MORC1: variants seen among roughly 807,000 people sequenced by gnomAD.
MORC1 encodes MORC family CW-type zinc finger protein 1.
A neutral mutation model predicts 134.9 loss-of-function variants in MORC1; 59 were observed. The ratio of observed to expected loss-of-function variants is 0.44; its 90% CI spans 0.35 to 0.54. The LOEUF (loss-of-function observed/expected upper bound fraction) is 0.54. Ranked by LOEUF, MORC1 falls within the 20% of genes least tolerant of loss-of-function variation. MORC1 has a pLI of 0.00. For synonymous variants in MORC1, 395 were observed against 391.7 expected (o/e 1.01, Z -0.10); for missense variants, 947 against 1,134.5 (o/e 0.83, Z 2.37).
chr3:109,082,250 T>A lies in MORC1; in HGVS notation c.689+11186A>T, dbSNP rs575837957. Among the ~76,000 whole-genome samples, 984 of 138,824 alleles carry A rather than the reference T, an allele frequency of 7.1e-3. 9 individuals are homozygous for A. The highest frequency in any genetic ancestry group is 0.019 in the African/African-American group (736 of 38,216). 91.1% of individuals were successfully genotyped at this position (138,824 alleles called of 152,430 possible). On this transcript the variant is annotated intron_variant, in intron 8 of 27. Coordinates refer to ENST00000232603, the MANE Select transcript of MORC1 (RefSeq NM_014429.4). Reference sequence around the variant, plus strand: ...AAGGCAGCAACCTAGGAGAAAAATTTAAAAAAAAAAAAACCACCAGGTAAA... The same window carrying A: ...AAGGCAGCAACCTAGGAGAAAAATTAAAAAAAAAAAAAACCACCAGGTAAA...
chr3:109,081,255 G>A (rs9849999), intron 8 of MORC1, among the ~76,000 whole-genome samples: 30,023 of 151,986 alleles, frequency 0.2, 3,402 homozygotes, highest in Middle Eastern at 0.32. Flanking sequence ...AAGTCAGATT[G>A]AGAGACTTCT....
At chr3:108,970,768 C>CG (rs1373604967) in intron 25 of MORC1, among the ~76,000 whole-genome samples, 1 of 152,176 alleles carries the variant, frequency 6.6e-6, no homozygotes, top group Non-Finnish European at 1.5e-5. Flanking sequence ...CACAGCCCTG[C>CG]GGGAGCCCTT....
chr3:108,964,545 G>A (rs1318582803), intron 26 of MORC1, among the ~76,000 whole-genome samples: 4 of 152,134 alleles, frequency 2.6e-5, no homozygotes, highest in East Asian at 1.9e-4. Flanking sequence ...TTTAGCATTC[G>A]CTGACCTCAC....
intron 25 of MORC1, among the ~76,000 whole-genome samples, chr3:108,970,941 G>A (rs1176541405): frequency 6.6e-6 from 1 of 152,146 alleles, no homozygotes; most frequent in East Asian, 1.9e-4. Flanking sequence ...TGATGTCTTG[G>A]TGATTTCGGT....
In MORC1 at chr3:108,971,522, C is replaced by A. The variant is rs568492411; in HGVS notation, c.2478-120G>T. 33 of 778,362 alleles carry A rather than the reference C, an allele frequency of 4.2e-5. No individual in the cohort carries two copies. The Middle Eastern group carries it at 7.3e-4, about 17-fold the overall frequency. The allele number at this position is 778,362 out of a possible 1,614,324, so 48.2% of individuals were successfully genotyped here. A position where few individuals can be genotyped will look rare whatever the true frequency, so the allele number is the denominator to read the frequency against. ...ATCCTGGCAAAGATGAACATTAGTT[C>A]CCCCCAAACATTTTGTTTTTATCAC... On this transcript the variant is annotated intron_variant, in intron 24 of 27. Transcript: ENST00000232603.
At chr3:109,009,668 G>C (rs1040514505) in intron 17 of MORC1, among the ~76,000 whole-genome samples, 2 of 152,028 alleles carry the variant, frequency 1.3e-5, no homozygotes, top group Non-Finnish European at 2.9e-5. Context: ...AAAGTGAACT[G>C]TTTTGTCCCT....
chr3:109,084,428 C>G (rs1950579573), intron 8 of MORC1, among the ~76,000 whole-genome samples: 1 of 151,804 alleles, frequency 6.6e-6, no homozygotes, highest in African/African-American at 2.4e-5. Context: ...TATAAAACAC[C>G]TAGAAGTCAA....
At chr3:109,011,240 A>T (rs992165638) in intron 17 of MORC1, among the ~76,000 whole-genome samples, 4 of 152,142 alleles carry the variant, frequency 2.6e-5, no homozygotes, top group Admixed American at 2.6e-4. Flanking sequence ...AAACAAAAAA[A>T]ACCCTGCCAA....
intron 17 of MORC1, 125 bp from the exon 18 acceptor site, chr3:109,007,216 T>C: frequency 6.0e-6 from 4 of 669,878 alleles, no homozygotes; most frequent in Middle Eastern, 2.6e-4. Context: ...TCATGAATAA[T>C]TGTTCAAGGA....
chr3:109,113,162 C>A (rs1375077290), intron 2 of MORC1, among the ~76,000 whole-genome samples: 1 of 152,192 alleles, frequency 6.6e-6, no homozygotes, highest in Non-Finnish European at 1.5e-5. Context: ...TGCTTCCAAG[C>A]TTTGAGCAGC....
At position 109,108,713 on chromosome 3, in the gene MORC1, T is replaced by C. The variant is rs533548056; in HGVS notation, c.154+2036A>G. Among the ~76,000 whole-genome samples, 16 of 152,056 alleles carry C rather than the reference T, an allele frequency of 1.1e-4. No individual in the cohort carries two copies. The East Asian group carries it at 2.1e-3, about 20-fold the overall frequency. ...GAGATCAAGACCATCCTGGCTAACA[T>C]GGTGAAACCCCGGCTCTACTAAAAA... On this transcript the variant is annotated intron_variant, in intron 3 of 27. Transcript: ENST00000232603.
chr3:109,032,920 T>C lies in MORC1; in HGVS notation c.1460-95A>G. 4 of 818,204 alleles carry C rather than the reference T, an allele frequency of 4.9e-6. No individual in the cohort carries two copies. The South Asian group carries it at 6.1e-5, about 12-fold the overall frequency. 50.7% of individuals were successfully genotyped at this position (818,204 alleles called of 1,614,324 possible). ...GCACATATCAAAAGTATGAGGTATC[T>C]CTCAATCCAAAGACAACTGAATCCT... On this transcript the variant is annotated intron_variant, in intron 15 of 27. Coordinates refer to ENST00000232603, the MANE Select transcript of MORC1 (RefSeq NM_014429.4).
chr3:108,993,082 G>A (rs538781730), intron 21 of MORC1, among the ~76,000 whole-genome samples: 4 of 152,214 alleles, frequency 2.6e-5, no homozygotes, highest in African/African-American at 9.6e-5. Flanking sequence ...AAACCTCATG[G>A]AGGTCTGAAT....
Position 108,979,492 on chromosome 3 carries a change from A to G in MORC1, c.2477+23T>C, listed in dbSNP as rs1432608423. 1.9e-6 allele frequency: 3 copies of G among 1,610,906 alleles called. No individual in the cohort carries two copies. The African/African-American group carries it at 4.0e-5, about 22-fold the overall frequency. On this transcript the variant is annotated intron_variant, in intron 24 of 27. Coordinates refer to ENST00000232603, the MANE Select transcript of MORC1 (RefSeq NM_014429.4). ...TAGAAAGTTAAACAAAGCATGTGGA[A>G]ATATGTGAGTAAATATCTTTACCTT... is the stretch of plus-strand genomic sequence containing the variant.
chr3:109,073,194 T>C (rs1242443690), intron 8 of MORC1, among the ~76,000 whole-genome samples: 3 of 152,216 alleles, frequency 2.0e-5, no homozygotes, highest in Admixed American at 2.0e-4. Context: ...TCCACAGTAT[T>C]CTGCTGCTGT....
intron 14 of MORC1, among the ~76,000 whole-genome samples, chr3:109,037,194 TA>T (rs1263182725): frequency 6.6e-6 from 1 of 152,226 alleles, no homozygotes; most frequent in East Asian, 1.9e-4. Context: ...CACCACAGCC[TA>T]AGACATAGCT....
At chr3:108,988,129 A>G (rs1947945723) in intron 21 of MORC1, among the ~76,000 whole-genome samples, 1 of 152,008 alleles carries the variant, frequency 6.6e-6, no homozygotes, top group Non-Finnish European at 1.5e-5. Context: ...TTCCCCTCCC[A>G]GGAAATAAAG....
intron 24 of MORC1, among the ~76,000 whole-genome samples, chr3:108,972,015 T>A (rs550037866): frequency 6.6e-6 from 1 of 152,200 alleles, no homozygotes; most frequent in African/African-American, 2.4e-5. Flanking sequence ...ACTTACTGAC[T>A]TTTTTCCTGA....
chr3:109,109,305 T>C (rs1951111225), intron 3 of MORC1, among the ~76,000 whole-genome samples: 2 of 152,226 alleles, frequency 1.3e-5, no homozygotes, highest in Admixed American at 1.3e-4. Context: ...TTAGGATATA[T>C]GTTCCAGGGG....
Sources: gnomAD v4.1 joint callset for allele counts (sites outside exome capture counted in the v4.1 genomes callset) on GRCh38, gnomAD v4.1.1 for gene constraint, MANE v1.5 for transcripts, NCBI Gene and HGNC (gene_info 2026-07-23, HGNC 2026-07-21) for gene names.